Variants in ABCA6 observed in about 807,000 individuals in gnomAD.
The protein encoded by ABCA6 is ATP-binding cassette sub-family A member 6.
ABCA6 carries 164 observed loss-of-function variants against 191.2 expected under a neutral mutation model. That is an observed-to-expected ratio of 0.86 (90% CI 0.76 to 0.98). The LOEUF (loss-of-function observed/expected upper bound fraction) is 0.98. Among genes scored for constraint, ABCA6 ranks in the 50% least tolerant of loss-of-function variants. The probability of loss-of-function intolerance (pLI) is 0.00; values close to 1 mark genes in which losing one functional copy is unlikely to be tolerated. For synonymous variants in ABCA6, 636 were observed against 647.7 expected (o/e 0.98, Z 0.27); for missense variants, 1,958 against 1,894.1 (o/e 1.03, Z -0.63).
At chr17:69,132,890 ATGTG>A (rs899891619) in intron 6 of ABCA6, among the ~76,000 whole-genome samples, 18 of 152,188 alleles carry the variant, frequency 1.2e-4, no homozygotes, top group East Asian at 1.9e-4. Flanking sequence ...GTGTACATAT[ATGTG>A]TGTATGTATG....
chr17:69,112,423 T>C (rs2073442399), intron 15 of ABCA6, 150 bp from the exon 16 acceptor site: 1 of 574,568 alleles, frequency 1.7e-6, no homozygotes, highest in African/African-American at 1.9e-5. Context: ...ACATTTGAAA[T>C]ACATATTAAA....
intron 22 of ABCA6, chr17:69,099,605 GT>G (rs1202932062): frequency 6.5e-6 from 1 of 154,300 alleles, no homozygotes; most frequent in Non-Finnish European, 1.5e-5. Flanking sequence ...TAATTCTGCA[GT>G]GAGACAGGTT....
chr17:69,125,152 G>T (rs2073726853), intron 8 of ABCA6, 117 bp from the exon 9 acceptor site: 1 of 407,826 alleles, frequency 2.5e-6, no homozygotes, highest in Non-Finnish European at 4.3e-6. Flanking sequence ...GTAGTTACTA[G>T]TCAAATATAT....
chr17:69,100,658 T>C (rs1346959212), intron 22 of ABCA6, 139 bp downstream of exon 22: 2 of 918,600 alleles, frequency 2.2e-6, no homozygotes, highest in Non-Finnish European at 3.0e-6. Context: ...TTGTTTGCTA[T>C]AACCCATTGA....
At chr17:69,137,632 T>C in intron 2 of ABCA6, 132 bp from the exon 3 acceptor site, 1 of 769,790 alleles carries the variant, frequency 1.3e-6, no homozygotes, top group Non-Finnish European at 2.0e-6. Context: ...TCTCCAAGCC[T>C]CAGAGCATGG....
chr17:69,132,854 A>C (rs916129056), intron 6 of ABCA6, among the ~76,000 whole-genome samples: 3 of 136,228 alleles, frequency 2.2e-5, no homozygotes, highest in Non-Finnish European at 4.9e-5. Flanking sequence ...ATCTACCTAC[A>C]TACATATATA....
chr17:69,080,877 A>T (rs2072613770), intron 37 of ABCA6, among the ~76,000 whole-genome samples, 189 bp downstream of exon 37: 1 of 152,136 alleles, frequency 6.6e-6, no homozygotes, highest in Admixed American at 6.5e-5. Flanking sequence ...CTGGAGATTA[A>T]CCTCTTTTCA....
chr17:69,084,213 C>T (rs769601180), intron 34 of ABCA6, 48 bp downstream of exon 34: 3 of 1,562,266 alleles, frequency 1.9e-6, no homozygotes, highest in African/African-American at 2.7e-5. Context: ...AAATATGCAA[C>T]CTTCCCTAAT....
chr17:69,103,468 T>C (rs1045988880), intron 20 of ABCA6, among the ~76,000 whole-genome samples: 1 of 152,306 alleles, frequency 6.6e-6, no homozygotes, highest in East Asian at 1.9e-4. Context: ...GTATGTTGTA[T>C]AAATATAATC....
intron 31 of ABCA6, 106 bp downstream of exon 31, chr17:69,085,519 C>A (rs368535818): frequency 1.7e-3 from 800 of 473,956 alleles, no homozygotes; most frequent in African/African-American, 4.7e-3. Context: ...TATCCAAAGG[C>A]AAAAAAAAAA....
At chr17:69,127,036 C>T (rs2073766817) in intron 8 of ABCA6, among the ~76,000 whole-genome samples, 1 of 152,112 alleles carries the variant, frequency 6.6e-6, no homozygotes, top group Non-Finnish European at 1.5e-5. Context: ...AGAAAGATTG[C>T]AATTCATTCA....
At position 69,105,641 on chromosome 17, in the gene ABCA6, G is replaced by T. The variant is rs780963718; in HGVS notation, c.2574-13C>A. ...AAATACCAATAATCTAAACAATAAA[G>T]AAAAATTAGCATATTAATCTCCAGG... On this transcript the variant is annotated splice_polypyrimidine_tract_variant and intron_variant, in intron 19 of 38. Coordinates refer to ENST00000284425, the MANE Select transcript of ABCA6 (RefSeq NM_080284.3). 1.4e-6 allele frequency: 2 copies of T among 1,443,032 alleles called. No homozygotes were observed. The highest frequency in any genetic ancestry group is 1.2e-5 in the South Asian group (1 of 80,502). 89.4% of individuals were successfully genotyped at this position (1,443,032 alleles called of 1,614,324 possible).
In ABCA6 at chr17:69,136,232, GC is replaced by G; in HGVS notation, c.319del (p.Ala107HisfsTer31). On this transcript the variant is annotated frameshift_variant, in exon 4 of 39. Transcript: ENST00000284425. LOFTEE classifies it high-confidence loss of function. The part of the protein sequence containing the change: ...PLLKGTSVIG[A>X]PNKTHMDEIL... The stretch of plus-strand genomic sequence containing the variant: ...TTCGTCCATGTGTGTTTTATTTGGT[GC>G]CCCAATGACACTTGTTCCTGTGAAT... The G allele has an allele frequency of 6.4e-7, 1 of 1,573,718 alleles. No homozygotes were observed. Among genetic ancestry groups the G allele is most frequent in the Non-Finnish European group, 8.6e-7 (1 of 1,160,266 alleles).
At chr17:69,105,937 C>G in intron 19 of ABCA6, 91 bp downstream of exon 19, 7 of 1,367,858 alleles carry the variant, frequency 5.1e-6, no homozygotes, top group Non-Finnish European at 6.9e-6. Flanking sequence ...GCAGGAATGT[C>G]AGATATTGCG....
rs1434113735 is a variant in ABCA6, at chr17:69,129,152, C to T, written c.934-348G>A. ...TCTACATACTTTCTGCAGAAAACAA[C>T]CTGGAAGATGGAAATTAGAGGTTCT... On this transcript the variant is annotated intron_variant, in intron 7 of 38. Coordinates refer to ENST00000284425, the MANE Select transcript of ABCA6 (RefSeq NM_080284.3). Among the ~76,000 whole-genome samples, 4 of 151,932 alleles carry T rather than the reference C, an allele frequency of 2.6e-5. No individual in the cohort carries two copies. The East Asian group carries it at 5.8e-4, about 22-fold the overall frequency.
At chr17:69,097,803 T>C in intron 23 of ABCA6, 117 bp downstream of exon 23, 1 of 685,668 alleles carries the variant, frequency 1.5e-6, no homozygotes, top group Non-Finnish European at 2.3e-6. Context: ...AGCTACAATA[T>C]CTAAATTAAA....
At chr17:69,134,248 A>C (rs1208640601) in intron 5 of ABCA6, among the ~76,000 whole-genome samples, 1 of 152,138 alleles carries the variant, frequency 6.6e-6, no homozygotes, top group East Asian at 1.9e-4. Context: ...GTTGCAACTT[A>C]ATTCCCATTG....
chr17:69,132,389 T>C (rs2073878948), intron 6 of ABCA6, among the ~76,000 whole-genome samples: 1 of 152,214 alleles, frequency 6.6e-6, no homozygotes, highest in African/African-American at 2.4e-5. Flanking sequence ...TTTGGAAGCT[T>C]GGAGCTTGTA....
chr17:69,109,945 G>A (rs1284919554), intron 17 of ABCA6: 1 of 152,110 alleles, frequency 6.6e-6, no homozygotes, highest in East Asian at 1.9e-4. Flanking sequence ...ATCTTATGCT[G>A]ATGCTAAGAT....
Sources: allele counts gnomAD v4.1 joint callset (sites outside exome capture counted in the v4.1 genomes callset), GRCh38; gene constraint gnomAD v4.1.1; transcripts MANE v1.5; gene names NCBI Gene and HGNC (gene_info 2026-07-23, HGNC 2026-07-21).